Variants in AMOTL1 observed in about 807,000 individuals in gnomAD.
The protein encoded by AMOTL1 is angiomotin like 1, also known as angiomotin-like protein 1.
A neutral mutation model predicts 102.9 loss-of-function variants in AMOTL1; 45 were observed. The ratio of observed to expected loss-of-function variants is 0.44; its 90% CI spans 0.34 to 0.56. AMOTL1 has a LOEUF of 0.56. Among genes scored for constraint, AMOTL1 ranks in the 20% least tolerant of loss-of-function variants. The pLI is 0.01. For synonymous variants in AMOTL1, 481 were observed against 484.7 expected (o/e 0.99, Z 0.10); for missense variants, 1,114 against 1,225.6 (o/e 0.91, Z 1.36).
chr11:94,834,993 G>A (rs533825287), intron 6 of AMOTL1, among the ~76,000 whole-genome samples: 3 of 152,272 alleles, frequency 2.0e-5, no homozygotes, highest in South Asian at 2.1e-4. Context: ...ACATGAAACA[G>A]GCTCATTGTA....
At chr11:94,864,992 C>T (rs1383487714) in intron 10 of AMOTL1, 132 bp downstream of exon 10, 11 of 1,289,656 alleles carry the variant, frequency 8.5e-6, no homozygotes, top group East Asian at 7.8e-5. Context: ...CTCCCCCATG[C>T]TGTGCCATGG....
At chr11:94,755,638 C>T (rs1201182310) in intron 3 of AMOTL1, among the ~76,000 whole-genome samples, 2 of 152,180 alleles carry the variant, frequency 1.3e-5, no homozygotes, top group African/African-American at 2.4e-5. Context: ...CCCATATCCC[C>T]GTCACAGGGC....
intron 6 of AMOTL1, among the ~76,000 whole-genome samples, chr11:94,849,164 CT>C (rs1176916044): frequency 6.6e-6 from 1 of 152,080 alleles, no homozygotes; most frequent in Non-Finnish European, 1.5e-5. Flanking sequence ...AACAAGGAGA[CT>C]TTTTTTCATG....
chr11:94,789,844 T>C (rs1280472568), intron 1 of AMOTL1, among the ~76,000 whole-genome samples: 1 of 152,238 alleles, frequency 6.6e-6, no homozygotes, highest in African/African-American at 2.4e-5. Context: ...AAATCTCTGT[T>C]ATAAAGTTAT....
At chr11:94,710,202 T>A (rs12802796) in intron 1 of AMOTL1, among the ~76,000 whole-genome samples, 3,629 of 152,156 alleles carry the variant, frequency 0.024, 87 homozygotes, top group East Asian at 0.1. Flanking sequence ...AGAGACAATA[T>A]GAAGTCAGGG....
chr11:94,863,104 C>A (rs962771674), intron 9 of AMOTL1, among the ~76,000 whole-genome samples: 1 of 152,078 alleles, frequency 6.6e-6, no homozygotes, highest in Non-Finnish European at 1.5e-5. Context: ...TGTCACCTAA[C>A]CCTGGTTTCT....
intron 3 of AMOTL1, among the ~76,000 whole-genome samples, chr11:94,813,355 C>T (rs955358049): frequency 2.0e-5 from 3 of 152,182 alleles, no homozygotes; most frequent in African/African-American, 4.8e-5. Context: ...CATCTGGGCT[C>T]AGGATGTGTT....
In AMOTL1 at chr11:94,850,235, C is replaced by G; in HGVS notation, c.1770C>G (p.Ala590=). 6.3e-7 allele frequency: 1 copy of G among 1,595,482 alleles called. No homozygotes were observed. The highest frequency in any genetic ancestry group is 8.5e-7 in the Non-Finnish European group (1 of 1,170,936). ...ILDQALSNAQ[A]RVIKLEEELR... The stretch of plus-strand genomic sequence containing the variant: ...ACCAGGCTTTGAGCAACGCCCAGGC[C>G]AGGGTCATCAAGCTGGAAGAGGAGG... Residue 590 remains alanine, a synonymous_variant, in exon 7 of 13, where the codon GCC becomes GCG. Transcript: ENST00000433060.
At chr11:94,756,396 C>T (rs928452719) in intron 3 of AMOTL1, among the ~76,000 whole-genome samples, 2 of 152,176 alleles carry the variant, frequency 1.3e-5, no homozygotes. Context: ...TATGACCCAA[C>T]ATAAGGATAT....
intron 1 of AMOTL1, among the ~76,000 whole-genome samples, chr11:94,722,504 G>T (rs1950189669): frequency 6.6e-6 from 1 of 152,146 alleles, no homozygotes; most frequent in African/African-American, 2.4e-5. Flanking sequence ...GCCCTACAAA[G>T]CATGTGCTAT....
chr11:94,733,274 C>T (rs538968957), intron 2 of AMOTL1, among the ~76,000 whole-genome samples: 8 of 152,334 alleles, frequency 5.3e-5, no homozygotes, highest in African/African-American at 1.7e-4. Flanking sequence ...ATTTTTCTTG[C>T]GTACTCTGTA....
Position 94,718,537 on chromosome 11 carries a change from A to G in AMOTL1, c.-50-10384A>G, listed in dbSNP as rs1229945128. Among the ~76,000 whole-genome samples the G allele has an allele frequency of 5.3e-4, 81 of 151,984 alleles. 1 individual carries two copies. Among genetic ancestry groups the G allele is most frequent in the Admixed American group, 5.3e-3 (81 of 15,252 alleles). On this transcript the variant is annotated intron_variant, in intron 1 of 4. Coordinates refer to the AMOTL1 transcript ENST00000299004. ...AAAACTGTTTTTAGCATATTTTTCTACCAAAGTTAGAGAATATCTGTTTCT... is the reference window on the plus strand; with the variant it reads ...AAAACTGTTTTTAGCATATTTTTCTGCCAAAGTTAGAGAATATCTGTTTCT...
chr11:94,792,232 ACAC>A (rs527433002), intron 1 of AMOTL1, among the ~76,000 whole-genome samples: 491 of 152,354 alleles, frequency 3.2e-3, no homozygotes, highest in African/African-American at 0.011. Context: ...AGGAAACCAA[ACAC>A]CACATGTTCT....
chr11:94,717,400 G>A (rs559345301), intron 1 of AMOTL1, among the ~76,000 whole-genome samples: 1 of 149,792 alleles, frequency 6.7e-6, no homozygotes, highest in East Asian at 2.0e-4. Context: ...AATTATTAAA[G>A]TATGGGTACA....
In AMOTL1 at chr11:94,795,088, C is replaced by G; in HGVS notation, c.127C>G (p.Gln43Glu). The change falls in exon 2 of 13, where the codon CAG (glutamine) becomes GAG (glutamate). Residue 43 changes from glutamine (Q) to glutamate (E), a missense_variant. Gln to Glu is a conservative substitution (Grantham distance 29, BLOSUM62 2). Transcript: ENST00000433060. ...CTCCACCTACTTTTCCCCAGACTTTCAGCTCTATTCTGGGAGGCATGAAAC... is the reference window on the plus strand; with the variant it reads ...CTCCACCTACTTTTCCCCAGACTTTGAGCTCTATTCTGGGAGGCATGAAAC... ...EDSTYFSPDF[Q>E]LYSGRHETSA... The G allele has an allele frequency of 6.2e-7, 1 of 1,613,896 alleles. No homozygotes were observed. Among genetic ancestry groups the G allele is most frequent in the Non-Finnish European group, 8.5e-7 (1 of 1,179,844 alleles).
chr11:94,817,642 A>G (rs1265633523), intron 3 of AMOTL1, among the ~76,000 whole-genome samples: 4 of 152,164 alleles, frequency 2.6e-5, no homozygotes. Context: ...TTGCATCTTT[A>G]ACCATAACTT....
rs373843252 is a variant in AMOTL1, at chr11:94,811,399, G to T, written c.1122-10131G>T. 3.0e-4 allele frequency among the ~76,000 whole-genome samples: 46 copies of T among 152,216 alleles called. 1 individual carries two copies. The highest frequency in any genetic ancestry group is 9.9e-4 in the African/African-American group (41 of 41,530). On this transcript the variant is annotated intron_variant, in intron 3 of 12. Transcript: ENST00000433060. ...AGTCCCAGCCGCTCGGGAGGCTGAG[G>T]CAGGAGAATCCCTTGAACCCAGGAG... is the stretch of plus-strand genomic sequence containing the variant.
intron 9 of AMOTL1, among the ~76,000 whole-genome samples, chr11:94,860,228 C>T (rs1302768892): frequency 6.6e-6 from 1 of 152,152 alleles, no homozygotes; most frequent in African/African-American, 2.4e-5. Flanking sequence ...TTATTATCAT[C>T]TTCATTTTAC....
intron 1 of AMOTL1, among the ~76,000 whole-genome samples, chr11:94,770,918 C>T (rs902895957): frequency 6.6e-6 from 1 of 151,996 alleles, no homozygotes; most frequent in Non-Finnish European, 1.5e-5. Flanking sequence ...ATGTCTACCC[C>T]TAAGGAAAAG....
Sources: allele counts gnomAD v4.1 joint callset (sites outside exome capture counted in the v4.1 genomes callset), GRCh38; gene constraint gnomAD v4.1.1; transcripts MANE v1.5; gene names NCBI Gene and HGNC (gene_info 2026-07-23, HGNC 2026-07-21).